DIS3L2: variants seen among roughly 807,000 people sequenced by gnomAD.
DIS3L2 encodes the protein DIS3-like exonuclease 2.
Under a neutral mutation model 97.5 loss-of-function variants are expected in DIS3L2, and 34 were observed. The ratio of observed to expected loss-of-function variants is 0.35; its 90% confidence interval spans 0.27 to 0.46. The LOEUF (loss-of-function observed/expected upper bound fraction) is 0.46. Among genes scored for constraint, DIS3L2 ranks in the 20% least tolerant of loss-of-function variants. The pLI, the probability that DIS3L2 is intolerant of heterozygous loss-of-function variation, is 1.00. For missense variants in DIS3L2, 1,038 were observed against 1,146.0 expected (o/e 0.91, Z 1.36); for synonymous variants, 435 against 445.2 (o/e 0.98, Z 0.29).
chr2:232,012,789 A>G (rs763661789), intron 1 of DIS3L2, among the ~76,000 whole-genome samples: 15 of 152,124 alleles, frequency 9.9e-5, no homozygotes, highest in African/African-American at 1.7e-4. Context: ...GGCCTTCACA[A>G]TGATGTCACG....
At chr2:232,226,798 G>A (rs753591140) in intron 10 of DIS3L2, among the ~76,000 whole-genome samples, 51 of 152,156 alleles carry the variant, frequency 3.4e-4, no homozygotes, top group Non-Finnish European at 6.3e-4. Context: ...GTGAGACCCC[G>A]TCTCTACAAA....
chr2:232,147,161 G>C (rs1400523114), intron 8 of DIS3L2, among the ~76,000 whole-genome samples: 1 of 151,928 alleles, frequency 6.6e-6, no homozygotes, highest in African/African-American at 2.4e-5. Flanking sequence ...AATAGGAATG[G>C]GGTCTTGCTG....
intron 8 of DIS3L2, among the ~76,000 whole-genome samples, chr2:232,159,854 T>C (rs1690600262): frequency 6.6e-6 from 1 of 152,226 alleles, no homozygotes; most frequent in South Asian, 2.1e-4. Context: ...AAATGCTTTT[T>C]CTTCATTTAC....
At chr2:232,283,605 C>T (rs1297563689) in intron 13 of DIS3L2, among the ~76,000 whole-genome samples, 8 of 152,176 alleles carry the variant, frequency 5.3e-5, no homozygotes, top group African/African-American at 1.2e-4. Context: ...TCATTTCTCT[C>T]GGTAGATGTT....
intron 1 of DIS3L2, among the ~76,000 whole-genome samples, chr2:231,972,470 T>A (rs1196238342): frequency 6.6e-6 from 1 of 152,236 alleles, no homozygotes; most frequent in Non-Finnish European, 1.5e-5. Flanking sequence ...TATAATCTTA[T>A]GGGACTGCCA....
intron 13 of DIS3L2, among the ~76,000 whole-genome samples, chr2:232,289,103 A>G (rs1694528009): frequency 6.6e-6 from 1 of 152,140 alleles, no homozygotes; most frequent in Non-Finnish European, 1.5e-5. Context: ...ATCTCTTACA[A>G]CAAACCCCAT....
chr2:232,241,840 A>C (rs1291082087), intron 11 of DIS3L2, among the ~76,000 whole-genome samples: 1 of 152,264 alleles, frequency 6.6e-6, no homozygotes, highest in African/African-American at 2.4e-5. Flanking sequence ...TTAAAAGTAA[A>C]AGAAAACCTA....
chr2:231,988,650 G>A (rs1033906921), intron 1 of DIS3L2, among the ~76,000 whole-genome samples: 8 of 152,142 alleles, frequency 5.3e-5, no homozygotes, highest in African/African-American at 1.9e-4. Flanking sequence ...GTGTAGGCAG[G>A]AAGATGGTTC....
At chr2:232,094,997 G>T (rs1246561372) in intron 6 of DIS3L2, among the ~76,000 whole-genome samples, 1 of 151,724 alleles carries the variant, frequency 6.6e-6, no homozygotes. Context: ...GTTTCCATTG[G>T]CTTGGAATAT....
chr2:232,000,641 T>TCCTTTCCTTTCCTTC (rs1693858839), intron 1 of DIS3L2, among the ~76,000 whole-genome samples: 1 of 145,352 alleles, frequency 6.9e-6, no homozygotes, highest in Non-Finnish European at 1.5e-5. Context: ...TCCTTTCCTT[T>TCCTTTCCTTTCCTTC]CCTTTCCTTT....
chr2:232,114,753 A>T (rs894761010), intron 6 of DIS3L2, among the ~76,000 whole-genome samples: 43 of 152,220 alleles, frequency 2.8e-4, no homozygotes, highest in African/African-American at 8.4e-4. Flanking sequence ...TAAATCTGGT[A>T]AAGATTTTGA....
intron 14 of DIS3L2, among the ~76,000 whole-genome samples, chr2:232,318,565 A>G (rs746033796): frequency 6.6e-5 from 10 of 152,212 alleles, no homozygotes; most frequent in Non-Finnish European, 1.2e-4. Flanking sequence ...GGAGGTGAAC[A>G]AAGGATGCAG....
At chr2:232,078,391 G>A (rs73001158) in intron 5 of DIS3L2, among the ~76,000 whole-genome samples, 1,783 of 152,042 alleles carry the variant, frequency 0.012, 19 homozygotes, top group Non-Finnish European at 0.016. Context: ...CCCCCGCCCC[G>A]CTCCCCGGGA....
intron 8 of DIS3L2, among the ~76,000 whole-genome samples, chr2:232,143,736 C>G (rs894907855): frequency 6.6e-6 from 1 of 151,916 alleles, no homozygotes; most frequent in African/African-American, 2.4e-5. Flanking sequence ...TTTTTGAAAC[C>G]TAATACTAAA....
intron 6 of DIS3L2, among the ~76,000 whole-genome samples, chr2:232,115,838 A>G (rs1175092051): frequency 2.0e-5 from 3 of 152,050 alleles, no homozygotes; most frequent in Admixed American, 2.0e-4. Context: ...AAATAACCCC[A>G]TGTCAGGGAA....
chr2:232,208,618 A>G (rs1243204066), intron 9 of DIS3L2, among the ~76,000 whole-genome samples: 1 of 152,150 alleles, frequency 6.6e-6, no homozygotes, highest in South Asian at 2.1e-4. Flanking sequence ...ACTTAGTTCA[A>G]TACCTTTGAG....
At chr2:231,974,947 T>G (rs940597400) in intron 1 of DIS3L2, among the ~76,000 whole-genome samples, 1 of 152,184 alleles carries the variant, frequency 6.6e-6, no homozygotes, top group Non-Finnish European at 1.5e-5. Context: ...GTTGCTTTCC[T>G]TTTATAAAGG....
intron 6 of DIS3L2, among the ~76,000 whole-genome samples, chr2:232,117,631 C>A (rs987045500): frequency 1.3e-5 from 2 of 152,220 alleles, no homozygotes; most frequent in African/African-American, 4.8e-5. Context: ...CCAGGGGCCT[C>A]TTCCCTGCCT....
At chr2:232,160,750 G>A (rs1413101119) in intron 8 of DIS3L2, among the ~76,000 whole-genome samples, 1 of 152,104 alleles carries the variant, frequency 6.6e-6, no homozygotes, top group African/African-American at 2.4e-5. Context: ...CAGCTACTCA[G>A]GAGGCTGAGG....
Sources: gnomAD v4.1 joint callset for allele counts (sites outside exome capture counted in the v4.1 genomes callset) on GRCh38, gnomAD v4.1.1 for gene constraint, MANE v1.5 for transcripts, NCBI Gene and HGNC (gene_info 2026-07-23, HGNC 2026-07-21) for gene names.